Variants in PDE4B observed in about 807,000 individuals in gnomAD.
PDE4B encodes phosphodiesterase 4B, also known as 3',5'-cyclic-AMP phosphodiesterase 4B.
In PDE4B, 20 loss-of-function variants were observed where a neutral mutation model predicts 82.2. The ratio of observed to expected loss-of-function variants is 0.24; its 90% CI spans 0.17 to 0.35. PDE4B has a LOEUF of 0.35. PDE4B is among the 10% of genes least tolerant of loss of function. The probability of loss-of-function intolerance (pLI) is 1.00; values close to 1 mark genes in which losing one functional copy is unlikely to be tolerated. For missense variants in PDE4B, 655 were observed against 907.2 expected (o/e 0.72, Z 3.57); for synonymous variants, 320 against 318.9 (o/e 1.00, Z -0.04).
intron 3 of PDE4B, among the ~76,000 whole-genome samples, chr1:66,052,268 A>G (rs1655069713): frequency 6.6e-6 from 1 of 152,238 alleles, no homozygotes; most frequent in African/African-American, 2.4e-5. Flanking sequence ...ATGTATGCAT[A>G]GCTTCAGATT....
chr1:66,310,342 A>G lies in PDE4B; in HGVS notation c.635-22166A>G, dbSNP rs900300377. Among the ~76,000 whole-genome samples the G allele has an allele frequency of 1.3e-4, 20 of 152,178 alleles. 1 individual carries two copies. Among genetic ancestry groups the G allele is most frequent in the Non-Finnish European group, 2.9e-5 (2 of 68,032 alleles). On this transcript the variant is annotated intron_variant, in intron 7 of 16. Coordinates refer to ENST00000341517, the MANE Select transcript of PDE4B (RefSeq NM_002600.4). ...ACTCAAATCTCCCAATACCCAGTTC[A>G]GAACACTTTCTTCTCTTCCCCGCTG...
Position 65,805,271 on chromosome 1 carries a change from A to G in PDE4B, c.-71+12023A>G, listed in dbSNP as rs575075684. 1.9e-4 allele frequency among the ~76,000 whole-genome samples: 29 copies of G among 152,280 alleles called. 1 individual carries two copies. In the South Asian group the frequency reaches 5.8e-3, roughly 30 times the overall value. On this transcript the variant is annotated intron_variant, in intron 1 of 16. Transcript: ENST00000341517. ...TGAGCCACTGCTCCTGGCCAGGGGC[A>G]TGTCTCTTTTCAGTACATGGATTTC...
chr1:66,005,057 C>T (rs149010551), intron 3 of PDE4B, among the ~76,000 whole-genome samples: 1,530 of 152,040 alleles, frequency 0.01, 21 homozygotes, highest in African/African-American at 0.035. Context: ...AAGGGTACTC[C>T]ATCATTAAAA....
At chr1:65,857,015 T>C (rs1005161552) in intron 1 of PDE4B, among the ~76,000 whole-genome samples, 13 of 152,308 alleles carry the variant, frequency 8.5e-5, no homozygotes, top group Middle Eastern at 6.8e-3. Flanking sequence ...ATTCTGTCAA[T>C]TGTGTCATCA....
chr1:65,918,287 G>A (rs1647185149), intron 2 of PDE4B, among the ~76,000 whole-genome samples: 1 of 152,050 alleles, frequency 6.6e-6, no homozygotes, highest in South Asian at 2.1e-4. Flanking sequence ...TATCATTTTA[G>A]CAACTTATGA....
At chr1:66,230,040 ACT>A (rs1281507159) in intron 3 of PDE4B, among the ~76,000 whole-genome samples, 1 of 152,158 alleles carries the variant, frequency 6.6e-6, no homozygotes, top group East Asian at 1.9e-4. Flanking sequence ...TCCTGGAGTC[ACT>A]CTGAGTATTT....
intron 3 of PDE4B, among the ~76,000 whole-genome samples, chr1:66,021,774 A>G (rs974214178): frequency 6.6e-6 from 1 of 152,116 alleles, no homozygotes; most frequent in Non-Finnish European, 1.5e-5. Flanking sequence ...CTTTTGGCTT[A>G]GGATTGTCTT....
intron 3 of PDE4B, among the ~76,000 whole-genome samples, chr1:66,202,043 T>G (rs1649015245): frequency 6.6e-6 from 1 of 152,256 alleles, no homozygotes; most frequent in Non-Finnish European, 1.5e-5. Flanking sequence ...TCTGGTATGT[T>G]GTGTCTTTGT....
intron 3 of PDE4B, among the ~76,000 whole-genome samples, chr1:66,047,786 A>C (rs1199875384): frequency 6.6e-6 from 1 of 151,900 alleles, no homozygotes; most frequent in African/African-American, 2.4e-5. Flanking sequence ...TTTGTGGTAT[A>C]AGTTCAGACC....
chr1:65,958,149 G>A (rs78948002), intron 3 of PDE4B, among the ~76,000 whole-genome samples: 1 of 151,888 alleles, frequency 6.6e-6, no homozygotes, highest in African/African-American at 2.4e-5. Flanking sequence ...GGTTATGGGC[G>A]CTTTTTGCGT....
chr1:66,297,700 G>A (rs958595981), intron 7 of PDE4B, among the ~76,000 whole-genome samples: 2 of 151,900 alleles, frequency 1.3e-5, no homozygotes, highest in African/African-American at 4.8e-5. Context: ...CATTCATAAG[G>A]ACTCTGCCCC....
intron 3 of PDE4B, among the ~76,000 whole-genome samples, chr1:66,146,351 T>A (rs1373065460): frequency 6.6e-6 from 1 of 151,828 alleles, no homozygotes; most frequent in Non-Finnish European, 1.5e-5. Context: ...GCCTGGCTAT[T>A]TTTTTGTATT....
At chr1:65,913,419 T>C in intron 2 of PDE4B, 63 bp downstream of exon 2, 2 of 1,510,674 alleles carry the variant, frequency 1.3e-6, no homozygotes, top group Middle Eastern at 1.7e-4. Flanking sequence ...TGGATAATTC[T>C]ATTCAAAGGG....
chr1:65,822,414 C>T (rs1645963689), intron 1 of PDE4B, among the ~76,000 whole-genome samples: 1 of 152,016 alleles, frequency 6.6e-6, no homozygotes, highest in South Asian at 2.1e-4. Context: ...AAAATGATGC[C>T]TTTTTTTCCC....
At chr1:65,868,583 A>G (rs1646537892) in intron 1 of PDE4B, among the ~76,000 whole-genome samples, 1 of 152,212 alleles carries the variant, frequency 6.6e-6, no homozygotes, top group Admixed American at 6.5e-5. Context: ...CAACTATGTG[A>G]GAGGGACTCT....
intron 7 of PDE4B, among the ~76,000 whole-genome samples, chr1:66,277,169 C>G (rs1655939891): frequency 6.6e-6 from 1 of 151,710 alleles, no homozygotes; most frequent in Non-Finnish European, 1.5e-5. Context: ...GAGAGAGTAA[C>G]CAACACCTCA....
chr1:66,249,197 G>T lies in PDE4B; in HGVS notation c.476+1543G>T, dbSNP rs533987706. Among the ~76,000 whole-genome samples the T allele has an allele frequency of 1.3e-4, 20 of 152,264 alleles. No individual in the cohort carries two copies. In the East Asian group the frequency reaches 3.7e-3, roughly 28 times the overall value. The stretch of plus-strand genomic sequence containing the variant: ...CATTTCTGACAAAAGTTTGAATGGG[G>T]GTCTTTGAATGCAAAGATATTGGGA... On this transcript the variant is annotated intron_variant, in intron 4 of 16. Transcript: ENST00000341517.
Position 66,334,001 on chromosome 1 carries a change from C to T in PDE4B, c.747+1381C>T, listed in dbSNP as rs891607003. Among the ~76,000 whole-genome samples, 5 of 152,178 alleles carry T rather than the reference C, an allele frequency of 3.3e-5. No homozygotes were observed. In the South Asian group the frequency reaches 1.0e-3, roughly 32 times the overall value. On this transcript the variant is annotated intron_variant, in intron 8 of 16. Coordinates refer to ENST00000341517, the MANE Select transcript of PDE4B (RefSeq NM_002600.4). ...GGGGTAAAACTCAACCAACTGCTTC[C>T]CCATGAGGAGGGCTTTGCTGTGTAA...
rs184940968 is a variant in PDE4B, at chr1:66,204,835, G to A, written c.282-42625G>A. Among the ~76,000 whole-genome samples, 6 of 152,220 alleles carry A rather than the reference G, an allele frequency of 3.9e-5. No homozygotes were observed. In the East Asian group the frequency reaches 5.8e-4, roughly 15 times the overall value. On this transcript the variant is annotated intron_variant, in intron 3 of 16. Transcript: ENST00000341517. ...CCTTGCCCTGCTTCAGCTCGCTCAC[G>A]GTGTGCTGCACCCACTCTTCTGCAC... is the stretch of plus-strand genomic sequence containing the variant.
Sources: allele counts gnomAD v4.1 joint callset (sites outside exome capture counted in the v4.1 genomes callset), GRCh38; gene constraint gnomAD v4.1.1; transcripts MANE v1.5; gene names NCBI Gene and HGNC (gene_info 2026-07-23, HGNC 2026-07-21).